CSMD2: variants seen among roughly 807,000 people sequenced by gnomAD.
The protein encoded by CSMD2 is CUB and Sushi multiple domains 2.
Under a neutral mutation model 398.5 loss-of-function variants are expected in CSMD2, and 130 were observed. The ratio of observed to expected loss-of-function variants is 0.33; its 90% CI spans 0.28 to 0.38. CSMD2 has a LOEUF of 0.38. Among genes scored for constraint, CSMD2 ranks in the 10% least tolerant of loss-of-function variants. CSMD2 has a pLI of 1.00. For synonymous variants in CSMD2, 1,828 were observed against 1,908.5 expected (o/e 0.96, Z 1.10); for missense variants, 3,829 against 4,764.9 (o/e 0.80, Z 5.78).
chr1:34,028,829 C>T (rs563019964), intron 3 of CSMD2, among the ~76,000 whole-genome samples: 49 of 152,328 alleles, frequency 3.2e-4, no homozygotes, highest in Admixed American at 1.2e-3. Context: ...CTCTTGCCCC[C>T]GGGGATTACA....
chr1:34,105,295 C>G (rs1192420454), intron 1 of CSMD2, among the ~76,000 whole-genome samples: 1 of 152,090 alleles, frequency 6.6e-6, no homozygotes, highest in East Asian at 1.9e-4. Flanking sequence ...GCGTCCCTGA[C>G]CTCTACCCAC....
intron 4 of CSMD2, among the ~76,000 whole-genome samples, chr1:33,926,152 C>G (rs1490450835): frequency 1.3e-5 from 2 of 152,252 alleles, no homozygotes; most frequent in East Asian, 3.9e-4. Flanking sequence ...TCTGTTCTGT[C>G]CCTAGCACCT....
intron 1 of CSMD2, among the ~76,000 whole-genome samples, chr1:34,092,465 A>C (rs1012630408): frequency 1.3e-5 from 2 of 152,254 alleles, no homozygotes; most frequent in Non-Finnish European, 2.9e-5. Context: ...GAGGCAGAAG[A>C]GGGGTGATTT....
At position 33,635,152 on chromosome 1, in the gene CSMD2, T is replaced by G; in HGVS notation, c.5086+62A>C. 9.7e-7 allele frequency: 1 copy of G among 1,031,062 alleles called. No individual in the cohort carries two copies. The allele number at this position is 1,031,062 out of a possible 1,614,324, so 63.9% of individuals were successfully genotyped here. On this transcript the variant is annotated intron_variant, in intron 31 of 70. Transcript: ENST00000373381. This position sits in a 1 kb window ranked among gnomAD's most constrained non-coding sequence, Gnocchi z 5.0. Reference sequence around the variant, plus strand: ...AATTGGGAGGCGTCTGAGGAATTGCTCATTTTGGAATGAGGGTGAGGAGTC... The same window carrying G: ...AATTGGGAGGCGTCTGAGGAATTGCGCATTTTGGAATGAGGGTGAGGAGTC...
At chr1:33,872,497 A>C (rs763059528) in intron 5 of CSMD2, among the ~76,000 whole-genome samples, 2 of 152,152 alleles carry the variant, frequency 1.3e-5, no homozygotes, top group Non-Finnish European at 2.9e-5. Flanking sequence ...TAGGCCTCAT[A>C]GATCCTCCAG....
chr1:33,833,594 G>A (rs1356084125), intron 6 of CSMD2, among the ~76,000 whole-genome samples: 1 of 148,416 alleles, frequency 6.7e-6, no homozygotes, highest in East Asian at 2.0e-4. Flanking sequence ...ACTGGCACAA[G>A]ACAGGGATGC....
At chr1:33,655,715 C>T (rs1400653514) in intron 27 of CSMD2, among the ~76,000 whole-genome samples, 1 of 152,246 alleles carries the variant, frequency 6.6e-6, no homozygotes, top group African/African-American at 2.4e-5. Flanking sequence ...GCCAGCTAGA[C>T]CCGCTCATGG....
intron 45 of CSMD2, 87 bp downstream of exon 45, chr1:33,587,001 G>T: frequency 1.0e-6 from 1 of 983,772 alleles, no homozygotes; most frequent in South Asian, 1.6e-5. Flanking sequence ...AGGGGATAAG[G>T]TCCACTGGCC....
At chr1:33,924,888 GTTATTA>G (rs1299840291) in intron 4 of CSMD2, among the ~76,000 whole-genome samples, 5 of 152,096 alleles carry the variant, frequency 3.3e-5, no homozygotes, top group East Asian at 3.9e-4. Context: ...TAATGGGATT[GTTATTA>G]TTATTATTTT....
intron 6 of CSMD2, among the ~76,000 whole-genome samples, chr1:33,840,359 T>C (rs1271241649): frequency 4.6e-5 from 7 of 152,206 alleles, no homozygotes; most frequent in Admixed American, 3.3e-4. Flanking sequence ...TACCTCTTAT[T>C]TGTAGGTACC....
chr1:33,583,576 C>A (rs1638873744), intron 47 of CSMD2, 66 bp downstream of exon 47: 3 of 1,499,864 alleles, frequency 2.0e-6, no homozygotes, highest in African/African-American at 2.7e-5. Flanking sequence ...AGCACAGACT[C>A]CTCGGGTTCT....
chr1:33,995,708 T>G (rs770984185), intron 3 of CSMD2, among the ~76,000 whole-genome samples: 3 of 152,238 alleles, frequency 2.0e-5, no homozygotes, highest in African/African-American at 7.2e-5. Flanking sequence ...AGCAGAGCTA[T>G]GAGAGTTTAC....
At chr1:33,782,269 G>T (rs964481901) in intron 12 of CSMD2, among the ~76,000 whole-genome samples, 1 of 152,012 alleles carries the variant, frequency 6.6e-6, no homozygotes, top group Non-Finnish European at 1.5e-5. Context: ...GGGCTAAAAT[G>T]GAGGCAGAGG....
chr1:33,551,041 A>C (rs1657398165), intron 55 of CSMD2, among the ~76,000 whole-genome samples: 1 of 152,162 alleles, frequency 6.6e-6, no homozygotes, highest in Non-Finnish European at 1.5e-5. Context: ...TGTGCTAGAC[A>C]CTCCGTGTGT....
At chr1:34,022,674 T>A (rs1649076959) in intron 3 of CSMD2, among the ~76,000 whole-genome samples, 1 of 152,000 alleles carries the variant, frequency 6.6e-6, no homozygotes. Flanking sequence ...GGGGACTCAG[T>A]GTGTTTGAAA....
At chr1:33,612,806 C>G (rs1164110162) in intron 40 of CSMD2, among the ~76,000 whole-genome samples, 1 of 151,478 alleles carries the variant, frequency 6.6e-6, no homozygotes, top group Non-Finnish European at 1.5e-5. Context: ...CTCAGCCTCC[C>G]AAGTAGCTGG....
At chr1:34,047,320 C>T (rs1051453297) in intron 2 of CSMD2, among the ~76,000 whole-genome samples, 17 of 152,152 alleles carry the variant, frequency 1.1e-4, no homozygotes, top group Non-Finnish European at 2.1e-4. Context: ...CTCATCTCTT[C>T]CCCCAGATGT....
rs113679235 is a variant in CSMD2, at chr1:34,129,011, C to A, written c.187+35900G>T. 6.9e-3 allele frequency among the ~76,000 whole-genome samples: 1,030 copies of A among 149,984 alleles called. 10 individuals are homozygous for A. The highest frequency in any genetic ancestry group is 0.018 in the African/African-American group (742 of 40,810). ...CCACTACATACATGTGTACCCCCCC[C>A]CACACACACACACATATACATTTTG... On this transcript the variant is annotated intron_variant, in intron 1 of 70. Coordinates refer to ENST00000373381, the MANE Select transcript of CSMD2 (RefSeq NM_001281956.2).
At position 33,781,909 on chromosome 1, in the gene CSMD2, G is replaced by C. The variant is rs182882438; in HGVS notation, c.1663+6691C>G. 4.3e-3 allele frequency among the ~76,000 whole-genome samples: 653 copies of C among 151,732 alleles called. 4 individuals are homozygous for C. The highest frequency in any genetic ancestry group is 5.5e-3 in the Non-Finnish European group (372 of 67,944). ...TCCCCTCCCCCGCCCCCTGACCTGG[G>C]ATTGTGACAAGCAGAACTGGAGGGA... On this transcript the variant is annotated intron_variant, in intron 12 of 70. Transcript: ENST00000373381.
Sources: allele counts gnomAD v4.1 joint callset (sites outside exome capture counted in the v4.1 genomes callset), GRCh38; gene constraint gnomAD v4.1.1; non-coding constraint Gnocchi (gnomAD v3.1); transcripts MANE v1.5; gene names NCBI Gene and HGNC (gene_info 2026-07-23, HGNC 2026-07-21).